Variants in SCRG1 observed in about 807,000 individuals in gnomAD.
The protein encoded by SCRG1 is stimulator of chondrogenesis 1.
A neutral mutation model predicts 7.7 loss-of-function variants in SCRG1; 3 were observed. That is an observed-to-expected ratio of 0.39 (90% CI 0.18 to 1.01). The LOEUF (loss-of-function observed/expected upper bound fraction) is 1.01. Among genes scored for constraint, SCRG1 ranks in the 50% least tolerant of loss-of-function variants. The probability of loss-of-function intolerance (pLI) is 0.36; values close to 1 mark genes in which losing one functional copy is unlikely to be tolerated. For synonymous variants in SCRG1, 46 were observed against 41.2 expected, an observed-to-expected ratio of 1.12 and a Z score of -0.44; for missense variants, 110 against 117.2, an observed-to-expected ratio of 0.94 and a Z score of 0.28.
At chr4:173,483,172 CAT>C in the SCRG1 span, among the ~76,000 whole-genome samples, 6 of 118,848 alleles carry the variant, frequency 5.0e-5, no homozygotes, top group East Asian at 4.7e-4. Flanking sequence ...TAACATATAA[CAT>C]ATAATATATT....
chr4:173,391,757 G>C (rs886201440), intron 1 of SCRG1, among the ~76,000 whole-genome samples: 1 of 152,148 alleles, frequency 6.6e-6, no homozygotes, highest in Non-Finnish European at 1.5e-5. Flanking sequence ...GTAAGACCCT[G>C]TATCTACAAA....
At chr4:173,459,880 CAGA>C in the SCRG1 span, among the ~76,000 whole-genome samples, 1 of 143,804 alleles carries the variant, frequency 7.0e-6, no homozygotes, top group African/African-American at 2.5e-5. Flanking sequence ...TTGTAATAGC[CAGA>C]AGATTTGAAA....
the SCRG1 span, among the ~76,000 whole-genome samples, chr4:173,514,074 A>G: frequency 2.6e-5 from 4 of 152,216 alleles, no homozygotes; most frequent in Non-Finnish European, 5.9e-5. Context: ...GGATTGAAAA[A>G]CATGCAATAA....
chr4:173,478,209 A>AAT, the SCRG1 span, among the ~76,000 whole-genome samples: 2 of 152,184 alleles, frequency 1.3e-5, no homozygotes, highest in African/African-American at 4.8e-5. Flanking sequence ...TCCCAGTGTT[A>AAT]ATTTTAAGTT....
chr4:173,485,031 ATATAT>A, the SCRG1 span, among the ~76,000 whole-genome samples: 4 of 27,364 alleles, frequency 1.5e-4, 1 homozygote, highest in African/African-American at 6.1e-4. Flanking sequence ...ATAATATATT[ATATAT>A]TATATATTAT....
chr4:173,482,819 C>A, the SCRG1 span, among the ~76,000 whole-genome samples: 14 of 147,752 alleles, frequency 9.5e-5, no homozygotes, highest in Non-Finnish European at 1.8e-4. Flanking sequence ...CCCTGTCTCA[C>A]ACACACACAT....
At chr4:173,389,515 A>C (rs190384702) in intron 2 of SCRG1, 3 of 181,412 alleles carry the variant, frequency 1.7e-5, no homozygotes, top group East Asian at 3.3e-4. Context: ...CAGCCTGGGC[A>C]ACAGAGCAAG....
the SCRG1 span, among the ~76,000 whole-genome samples, chr4:173,465,310 T>TCCTGA: frequency 2.6e-5 from 4 of 152,186 alleles, no homozygotes; most frequent in African/African-American, 4.8e-5. Context: ...ACACACAAAA[T>TCCTGA]CCTGACCTTC....
upstream of SCRG1, among the ~76,000 whole-genome samples, chr4:173,400,126 G>T (rs78282430): frequency 0.035 from 5,307 of 152,264 alleles, 275 homozygotes; most frequent in African/African-American, 0.11. Flanking sequence ...CCTGACTGCA[G>T]TGTGAAAGAA....
At chr4:173,449,061 A>G in the SCRG1 span, among the ~76,000 whole-genome samples, 1 of 152,352 alleles carries the variant, frequency 6.6e-6, no homozygotes. Flanking sequence ...TAACAGAGTG[A>G]GAGGTCTCCA....
At chr4:173,484,107 T>TAATATAC in the SCRG1 span, among the ~76,000 whole-genome samples, 84 of 68,538 alleles carry the variant, frequency 1.2e-3, no homozygotes, top group Non-Finnish European at 1.4e-3. Context: ...ATATAATATA[T>TAATATAC]AATATATAAT....
chr4:173,399,207 T>C (rs1388660353), upstream of SCRG1: 1 of 152,218 alleles, frequency 6.6e-6, no homozygotes, highest in African/African-American at 2.4e-5. Context: ...GCCTTGTCTC[T>C]GGCCTGGGAT....
At chr4:173,495,358 G>A in the SCRG1 span, among the ~76,000 whole-genome samples, 1 of 152,188 alleles carries the variant, frequency 6.6e-6, no homozygotes, top group Admixed American at 6.5e-5. Flanking sequence ...TGGACCAGTT[G>A]TCAAAAAGTA....
At chr4:173,490,813 C>G in the SCRG1 span, among the ~76,000 whole-genome samples, 1 of 152,132 alleles carries the variant, frequency 6.6e-6, no homozygotes, top group Non-Finnish European at 1.5e-5. Flanking sequence ...CTCTGGAAGC[C>G]TCTATTGCCC....
At chr4:173,502,637 CAG>C in the SCRG1 span, among the ~76,000 whole-genome samples, 2 of 152,130 alleles carry the variant, frequency 1.3e-5, no homozygotes, top group East Asian at 3.9e-4. The surrounding 1 kb of genome is among the most constrained non-coding windows in gnomAD (Gnocchi z 4.6). Context: ...TTGGATCAAA[CAG>C]GGGCAGTCAC....
chr4:173,484,423 T>TATATACATATAATATATA, the SCRG1 span, among the ~76,000 whole-genome samples: 7 of 62,046 alleles, frequency 1.1e-4, 1 homozygote, highest in South Asian at 1.6e-3. Context: ...TAATATATAT[T>TATATACATATAATATATA]ATATATTATA....
the SCRG1 span, among the ~76,000 whole-genome samples, chr4:173,418,268 T>C: frequency 6.6e-6 from 1 of 152,234 alleles, no homozygotes; most frequent in Non-Finnish European, 1.5e-5. Context: ...AACTTGATAT[T>C]TGCTGCCAGA....
the SCRG1 span, among the ~76,000 whole-genome samples, chr4:173,507,842 A>T: frequency 6.6e-5 from 10 of 152,216 alleles, no homozygotes; most frequent in Non-Finnish European, 1.3e-4. The surrounding 1 kb of genome is among the most constrained non-coding windows in gnomAD (Gnocchi z 4.4). Flanking sequence ...ACAGGGTGTG[A>T]AAAGTAATAT....
the SCRG1 span, among the ~76,000 whole-genome samples, chr4:173,445,152 G>T: frequency 6.6e-6 from 1 of 152,032 alleles, no homozygotes; most frequent in African/African-American, 2.4e-5. Flanking sequence ...AGTTTTTATA[G>T]TACATAGAAA....
Sources: allele counts gnomAD v4.1 joint callset (sites outside exome capture counted in the v4.1 genomes callset), GRCh38; gene constraint gnomAD v4.1.1; non-coding constraint Gnocchi (gnomAD v3.1); transcripts MANE v1.5; gene names NCBI Gene and HGNC (gene_info 2026-07-23, HGNC 2026-07-21).